The following CACNA2D1 variants were observed in gnomAD, a reference collection of about 807,000 sequenced individuals.
CACNA2D1 encodes voltage-dependent calcium channel subunit alpha-2/delta-1.
Under a neutral mutation model 171.5 loss-of-function variants are expected in CACNA2D1, and 53 were observed. The ratio of observed to expected loss-of-function variants is 0.31; its 90% CI spans 0.25 to 0.39. The LOEUF (loss-of-function observed/expected upper bound fraction) is 0.39. CACNA2D1 is among the 10% of genes least tolerant of loss of function. CACNA2D1 has a pLI of 1.00. For synonymous variants in CACNA2D1, 442 were observed against 443.1 expected (o/e 1.00, Z 0.03); for missense variants, 903 against 1,299.8 (o/e 0.69, Z 4.69).
At chr7:82,146,983 C>CAAAAAAAAAAAAAA (rs764990586) in intron 4 of CACNA2D1, among the ~76,000 whole-genome samples, 1 of 25,476 alleles carries the variant, frequency 3.9e-5, no homozygotes, top group Non-Finnish European at 6.1e-5. Flanking sequence ...ACTCCCATCT[C>CAAAAAAAAAAAAAA]AAAAAAAAAA....
chr7:82,224,943 CA>C (rs1802191729), intron 3 of CACNA2D1, among the ~76,000 whole-genome samples: 2 of 152,090 alleles, frequency 1.3e-5, no homozygotes. Context: ...AAAAATACAT[CA>C]ACTATTTAAT....
chr7:82,207,892 T>C (rs1800172577), intron 3 of CACNA2D1, among the ~76,000 whole-genome samples: 1 of 152,196 alleles, frequency 6.6e-6, no homozygotes, highest in Non-Finnish European at 1.5e-5. Context: ...ACATGCACAG[T>C]ATATTGCTAT....
intron 3 of CACNA2D1, among the ~76,000 whole-genome samples, chr7:82,220,053 G>T (rs985788501): frequency 1.3e-5 from 2 of 152,022 alleles, no homozygotes; most frequent in African/African-American, 4.8e-5. Flanking sequence ...GAAGTCACAG[G>T]CATTAATAAA....
chr7:82,090,459 G>A (rs757754564), intron 6 of CACNA2D1, among the ~76,000 whole-genome samples: 37 of 151,900 alleles, frequency 2.4e-4, no homozygotes, highest in Non-Finnish European at 1.2e-4. Flanking sequence ...AAGCAAAAAT[G>A]TTTACCATTT....
intron 3 of CACNA2D1, among the ~76,000 whole-genome samples, chr7:82,278,322 T>C (rs562569713): frequency 6.6e-6 from 1 of 152,266 alleles, no homozygotes; most frequent in Non-Finnish European, 1.5e-5. Flanking sequence ...CTCATGCCTG[T>C]AATCCCAGCA....
In CACNA2D1 at chr7:82,060,179, A is replaced by ATATATATAT. The variant is rs1554381749; in HGVS notation, c.879+240_879+248dup. ...TATATATATATAATATATATATATA[A>ATATATATAT]TATATATATATTATATATATATTAT... On this transcript the variant is annotated intron_variant, in intron 10 of 38. Coordinates refer to ENST00000356860, the MANE Select transcript of CACNA2D1 (RefSeq NM_000722.4). Among the ~76,000 whole-genome samples the ATATATATAT allele has an allele frequency of 1.1e-3, 26 of 23,362 alleles. 3 individuals are homozygous for ATATATATAT. Among genetic ancestry groups the ATATATATAT allele is most frequent in the African/African-American group, 5.7e-3 (25 of 4,400 alleles). 15.3% of individuals were successfully genotyped at this position (23,362 alleles called of 152,430 possible).
At chr7:81,991,364 A>G (rs1370382481) in intron 20 of CACNA2D1, 118 bp from the exon 21 acceptor site, 2 of 655,900 alleles carry the variant, frequency 3.0e-6, no homozygotes, top group Non-Finnish European at 5.6e-6. Flanking sequence ...ATCTTTACAA[A>G]GGTATGATCT....
At chr7:82,289,961 C>G (rs1811316228) in intron 3 of CACNA2D1, among the ~76,000 whole-genome samples, 1 of 152,212 alleles carries the variant, frequency 6.6e-6, no homozygotes, top group Admixed American at 6.5e-5. Flanking sequence ...CTGTTGTTCA[C>G]TTAAAGTAGA....
intron 19 of CACNA2D1, among the ~76,000 whole-genome samples, chr7:81,996,354 TATAATA>T (rs1201733276): frequency 1.3e-5 from 2 of 152,130 alleles, no homozygotes; most frequent in Non-Finnish European, 2.9e-5. Flanking sequence ...CTAGGGTAAT[TATAATA>T]AATCATTAAA....
At chr7:82,430,558 A>G (rs1829592507) in intron 1 of CACNA2D1, among the ~76,000 whole-genome samples, 1 of 152,170 alleles carries the variant, frequency 6.6e-6, no homozygotes, top group Admixed American at 6.6e-5. Flanking sequence ...ATCAACTCCA[A>G]ATTTGCACCA....
At chr7:82,179,091 T>G in intron 3 of CACNA2D1, among the ~76,000 whole-genome samples, 1 of 152,100 alleles carries the variant, frequency 6.6e-6, no homozygotes, top group East Asian at 1.9e-4. Flanking sequence ...CACCACCTAA[T>G]TCTTAAAAAT....
Position 81,996,668 on chromosome 7 carries a change from A to T in CACNA2D1, c.1662+511T>A, listed in dbSNP as rs549648149. Among the ~76,000 whole-genome samples, 22 of 150,588 alleles carry T rather than the reference A, an allele frequency of 1.5e-4. No individual in the cohort carries two copies. The East Asian group carries it at 4.1e-3, about 28-fold the overall frequency. On this transcript the variant is annotated intron_variant, in intron 19 of 38. Coordinates refer to ENST00000356860, the MANE Select transcript of CACNA2D1 (RefSeq NM_000722.4). ...ATGTTATTTATTATATATTTCTAAT[A>T]TTTTTATTATTAATATAATACTCTC...
chr7:82,402,433 C>T (rs1332577910), intron 1 of CACNA2D1, among the ~76,000 whole-genome samples: 2 of 152,082 alleles, frequency 1.3e-5, no homozygotes, highest in African/African-American at 4.8e-5. Context: ...TTGAAGTGGG[C>T]CAGGTGCAGT....
chr7:82,125,679 C>T (rs1043739758), intron 5 of CACNA2D1, among the ~76,000 whole-genome samples: 2 of 151,870 alleles, frequency 1.3e-5, no homozygotes, highest in South Asian at 4.2e-4. Flanking sequence ...GAGTTTGAGG[C>T]CAGTCTGAAC....
At chr7:82,060,156 TATATATATA>T (rs1461126261) in intron 10 of CACNA2D1, among the ~76,000 whole-genome samples, 2 of 37,610 alleles carry the variant, frequency 5.3e-5, no homozygotes, top group South Asian at 8.4e-4. Context: ...ATATGTATTA[TATATATATA>T]ATATATATAT....
chr7:82,310,127 T>G (rs2129432335), intron 3 of CACNA2D1, among the ~76,000 whole-genome samples: 1 of 152,174 alleles, frequency 6.6e-6, no homozygotes, highest in African/African-American at 2.4e-5. Context: ...CATATCTTTC[T>G]TACAAATTAT....
chr7:82,361,336 AAAT>A (rs1821056960), intron 1 of CACNA2D1, among the ~76,000 whole-genome samples: 1 of 152,204 alleles, frequency 6.6e-6, no homozygotes. Flanking sequence ...TTGTGTTTAA[AAAT>A]AATGTTTATC....
intron 4 of CACNA2D1, among the ~76,000 whole-genome samples, chr7:82,153,782 C>T (rs534823039): frequency 6.6e-6 from 1 of 151,944 alleles, no homozygotes; most frequent in Admixed American, 6.6e-5. Context: ...CCTCCCTCCA[C>T]CCACCAAACC....
At chr7:82,073,897 G>A (rs543917545) in intron 7 of CACNA2D1, among the ~76,000 whole-genome samples, 23 of 152,078 alleles carry the variant, frequency 1.5e-4, no homozygotes, top group Admixed American at 1.0e-3. Flanking sequence ...CCTCACTCTC[G>A]GCCTGCATTT....
Sources: gnomAD v4.1 joint callset for allele counts (sites outside exome capture counted in the v4.1 genomes callset) on GRCh38, gnomAD v4.1.1 for gene constraint, MANE v1.5 for transcripts, NCBI Gene and HGNC (gene_info 2026-07-23, HGNC 2026-07-21) for gene names.